RBFOX1: variants seen among roughly 807,000 people sequenced by gnomAD.
RBFOX1 encodes RNA binding fox-1 homolog 1.
Under a neutral mutation model 57.7 loss-of-function variants are expected in RBFOX1, and 8 were observed. That is an observed-to-expected ratio of 0.14 (90% CI 0.08 to 0.25). The LOEUF (loss-of-function observed/expected upper bound fraction) is 0.25. Ranked by LOEUF, RBFOX1 falls within the 10% of genes least tolerant of loss-of-function variation. The pLI, the probability that RBFOX1 is intolerant of heterozygous loss-of-function variation, is 1.00. For missense variants in RBFOX1, 611 were observed against 548.5 expected, an observed-to-expected ratio of 1.11 and a Z score of -1.14; for synonymous variants, 326 against 222.4, an observed-to-expected ratio of 1.47 and a Z score of -4.15.
At chr16:6,926,947 C>G (rs2075698645) in intron 3 of RBFOX1, among the ~76,000 whole-genome samples, 1 of 152,264 alleles carries the variant, frequency 6.6e-6, no homozygotes, top group South Asian at 2.1e-4. Context: ...AATGCAGTTG[C>G]TCCTCCTTGC....
At position 6,457,328 on chromosome 16, in the gene RBFOX1, A is replaced by G. The variant is rs185783315; in HGVS notation, c.-64+140271A>G. ...ATAGGGTCCCTTGCCAATGGAAGCC[A>G]TGGCATTGGATGATAGACTCAAGAA... On this transcript the variant is annotated intron_variant, in intron 2 of 15. Transcript: ENST00000550418. Among the ~76,000 whole-genome samples, 447 of 152,112 alleles carry G rather than the reference A, an allele frequency of 2.9e-3. 4 individuals carry two copies. Among genetic ancestry groups the G allele is most frequent in the South Asian group, 0.023 (112 of 4,810 alleles).
chr16:7,606,138 T>C (rs905196819), intron 9 of RBFOX1, among the ~76,000 whole-genome samples: 15 of 144,782 alleles, frequency 1.0e-4, no homozygotes, highest in Middle Eastern at 3.5e-3. Context: ...TTTTTTTTTT[T>C]CCCGAGAGAG....
intron 3 of RBFOX1, among the ~76,000 whole-genome samples, chr16:6,724,434 C>A (rs143153629): frequency 6.6e-6 from 1 of 151,986 alleles, no homozygotes; most frequent in African/African-American, 2.4e-5. Context: ...TCTCGAACTC[C>A]TGACCTCAGG....
chr16:6,924,570 C>G (rs1485407421), intron 3 of RBFOX1, among the ~76,000 whole-genome samples: 3 of 152,108 alleles, frequency 2.0e-5, no homozygotes, highest in Admixed American at 6.6e-5. Flanking sequence ...GGACACATAT[C>G]CAAACTGTAT....
intron 1 of RBFOX1, among the ~76,000 whole-genome samples, chr16:6,194,644 C>T (rs7189552): frequency 3.4e-3 from 516 of 152,340 alleles, no homozygotes; most frequent in African/African-American, 0.012. Context: ...TTCCTCCAGG[C>T]ATTCTTTCCC....
chr16:5,736,016 T>G (rs1323716601), intron 3 of RBFOX1, among the ~76,000 whole-genome samples: 5 of 152,116 alleles, frequency 3.3e-5, no homozygotes, highest in African/African-American at 1.2e-4. Context: ...CCTCTTCCTG[T>G]GTTCAGAGGA....
chr16:6,740,441 G>C (rs1192588671), intron 3 of RBFOX1, among the ~76,000 whole-genome samples: 1 of 152,070 alleles, frequency 6.6e-6, no homozygotes, highest in South Asian at 2.1e-4. Flanking sequence ...TTAAAATAAA[G>C]AAATAAAACT....
intron 3 of RBFOX1, among the ~76,000 whole-genome samples, chr16:5,818,380 G>A (rs2055720865): frequency 1.3e-5 from 2 of 152,174 alleles, no homozygotes; most frequent in African/African-American, 2.4e-5. Context: ...CATATGAGGG[G>A]ATACCATTGT....
intron 4 of RBFOX1, among the ~76,000 whole-genome samples, chr16:7,060,815 C>G (rs2054010153): frequency 6.6e-6 from 1 of 152,164 alleles, no homozygotes; most frequent in Non-Finnish European, 1.5e-5. Flanking sequence ...GGTAAGTTCC[C>G]TCTCTGGATT....
intron 4 of RBFOX1, among the ~76,000 whole-genome samples, chr16:7,062,251 G>A (rs565544296): frequency 1.4e-5 from 2 of 142,540 alleles, no homozygotes; most frequent in South Asian, 4.7e-4. Flanking sequence ...CCGAGATCAT[G>A]AGGTTGCAGT....
intron 3 of RBFOX1, among the ~76,000 whole-genome samples, chr16:5,752,856 G>T (rs1387696045): frequency 6.6e-6 from 1 of 152,128 alleles, no homozygotes; most frequent in Non-Finnish European, 1.5e-5. Flanking sequence ...AATTCAGAGA[G>T]AAAGAAAATT....
chr16:6,943,907 A>G (rs954179232), intron 3 of RBFOX1, among the ~76,000 whole-genome samples: 3 of 152,036 alleles, frequency 2.0e-5, no homozygotes, highest in Non-Finnish European at 4.4e-5. Flanking sequence ...TTTTTCGTCT[A>G]TAAATTTGTT....
At chr16:5,764,535 C>G (rs2053708845) in intron 3 of RBFOX1, among the ~76,000 whole-genome samples, 1 of 152,208 alleles carries the variant, frequency 6.6e-6, no homozygotes, top group Non-Finnish European at 1.5e-5. Flanking sequence ...CTTAACACAG[C>G]TTCCCTGATT....
chr16:5,411,987 T>C (rs2067034007), intron 1 of RBFOX1, among the ~76,000 whole-genome samples: 6 of 152,196 alleles, frequency 3.9e-5, no homozygotes, highest in Admixed American at 3.9e-4. Flanking sequence ...TTCTTATCTG[T>C]TTAATATTTC....
intron 14 of RBFOX1, among the ~76,000 whole-genome samples, chr16:7,704,552 T>G (rs988347911): frequency 6.6e-6 from 1 of 152,178 alleles, no homozygotes; most frequent in South Asian, 2.1e-4. Flanking sequence ...TCTTTACTCC[T>G]TTGTCTTGCT....
chr16:7,021,363 T>C (rs2061812), intron 3 of RBFOX1, among the ~76,000 whole-genome samples: 15,938 of 147,078 alleles, frequency 0.11, 1,411 homozygotes, highest in East Asian at 0.3. Context: ...TTAGTATTTA[T>C]GTTCTTATAT....
At chr16:5,618,687 G>C (rs896719226) in intron 3 of RBFOX1, among the ~76,000 whole-genome samples, 1 of 152,186 alleles carries the variant, frequency 6.6e-6, no homozygotes, top group Non-Finnish European at 1.5e-5. Context: ...TGTTTTAAAA[G>C]AAAGAAATGC....
intron 4 of RBFOX1, among the ~76,000 whole-genome samples, chr16:7,197,434 T>G (rs1421112406): frequency 8.9e-5 from 10 of 112,264 alleles, no homozygotes; most frequent in Non-Finnish European, 1.4e-4. Context: ...TAAAAACCTG[T>G]GAGTGGAAAA....
intron 4 of RBFOX1, among the ~76,000 whole-genome samples, chr16:7,339,522 C>T (rs2096853683): frequency 6.6e-6 from 1 of 152,148 alleles, no homozygotes; most frequent in African/African-American, 2.4e-5. Flanking sequence ...CTCACTGCAC[C>T]TCCACCTGCC....
Sources: allele counts gnomAD v4.1 joint callset (sites outside exome capture counted in the v4.1 genomes callset), GRCh38; gene constraint gnomAD v4.1.1; transcripts MANE v1.5; gene names NCBI Gene and HGNC (gene_info 2026-07-23, HGNC 2026-07-21).